The following APBB2 variants were observed in gnomAD, a reference collection of about 807,000 sequenced individuals.
The protein encoded by APBB2 is Fe65-like 1.
Under a neutral mutation model 82.5 loss-of-function variants are expected in APBB2, and 38 were observed. The ratio of observed to expected loss-of-function variants is 0.46; its 90% CI spans 0.36 to 0.60. The LOEUF (loss-of-function observed/expected upper bound fraction) is 0.60. Ranked by LOEUF, APBB2 falls within the 20% of genes least tolerant of loss-of-function variation. The pLI is 0.00. For synonymous variants in APBB2, 341 were observed against 368.2 expected (o/e 0.93, Z 0.85); for missense variants, 772 against 972.3 (o/e 0.79, Z 2.74).
chr4:40,920,043 C>T (rs189788317), intron 10 of APBB2, among the ~76,000 whole-genome samples: 1 of 152,100 alleles, frequency 6.6e-6, no homozygotes, highest in Admixed American at 6.6e-5. Flanking sequence ...GTCAACTGCT[C>T]GGGTATGTCA....
rs1376964467 is a variant in APBB2, at chr4:40,814,731, T to A, written c.*1361A>T. 1.3e-5 allele frequency: 2 copies of A among 152,320 alleles called. No individual in the cohort carries two copies. The highest frequency in any genetic ancestry group is 3.9e-4 in the East Asian group (2 of 5,188). 9.4% of individuals were successfully genotyped at this position (152,320 alleles called of 1,614,324 possible). On this transcript the variant is annotated 3_prime_UTR_variant, in exon 18 of 18. Transcript: ENST00000508593. ...GCAACTTCCTTTTAAAACGACAATGTCAACGAGAGTCTAAATTTGTATGTC... is the reference window on the plus strand; with the variant it reads ...GCAACTTCCTTTTAAAACGACAATGACAACGAGAGTCTAAATTTGTATGTC...
chr4:40,977,707 T>C (rs1054069717), intron 6 of APBB2, among the ~76,000 whole-genome samples: 1 of 152,190 alleles, frequency 6.6e-6, no homozygotes, highest in Non-Finnish European at 1.5e-5. Context: ...ATAAAACACA[T>C]GGTGTACATA....
At chr4:41,176,602 G>A (rs1769847974) in intron 1 of APBB2, among the ~76,000 whole-genome samples, 1 of 152,084 alleles carries the variant, frequency 6.6e-6, no homozygotes, top group African/African-American at 2.4e-5. Context: ...AAAAATGTCA[G>A]TAATTCTGGC....
In APBB2 at chr4:40,864,925, C is replaced by G. The variant is rs139915568; in HGVS notation, c.1529+25439G>C. On this transcript the variant is annotated intron_variant, in intron 12 of 17. Transcript: ENST00000508593. ...CCAGGCTGGAGGGTAGTAGTGCAAT[C>G]TTGGTTCACTGCAACCTCTGCCTCC... is the stretch of plus-strand genomic sequence containing the variant. Among the ~76,000 whole-genome samples the G allele has an allele frequency of 6.4e-3, 930 of 146,144 alleles. 6 individuals carry two copies. The highest frequency in any genetic ancestry group is 0.018 in the Middle Eastern group (5 of 278).
At chr4:41,180,580 C>G (rs1031475375) in intron 1 of APBB2, among the ~76,000 whole-genome samples, 5 of 151,980 alleles carry the variant, frequency 3.3e-5, no homozygotes, top group Non-Finnish European at 5.9e-5. Flanking sequence ...CCCAGGAGGT[C>G]GAGGCTGCAG....
intron 6 of APBB2, among the ~76,000 whole-genome samples, chr4:40,966,716 A>C (rs1412141381): frequency 6.6e-6 from 1 of 152,138 alleles, no homozygotes. Flanking sequence ...AGCCCCCTCC[A>C]AACTTTGGGC....
chr4:40,907,369 ATATATATATATTTTTTTT>A (rs1225624476), intron 10 of APBB2, among the ~76,000 whole-genome samples: 17,094 of 86,570 alleles, frequency 0.2, 1,356 homozygotes, highest in Admixed American at 0.32. Flanking sequence ...ATATATATAT[ATATATATATATTTTTTTT>A]TTTTTTTTTT....
At chr4:41,018,194 A>G (rs1196642972) in intron 5 of APBB2, among the ~76,000 whole-genome samples, 1 of 152,092 alleles carries the variant, frequency 6.6e-6, no homozygotes, top group Non-Finnish European at 1.5e-5. Flanking sequence ...TTTATTTCTG[A>G]CCACCATACC....
At chr4:41,135,047 T>C (rs1425764812) in intron 2 of APBB2, among the ~76,000 whole-genome samples, 3 of 152,150 alleles carry the variant, frequency 2.0e-5, no homozygotes, top group African/African-American at 4.8e-5. Context: ...AGACTTCTTA[T>C]TTCTAGGAGA....
At chr4:41,110,603 C>CAA (rs33958550) in intron 2 of APBB2, among the ~76,000 whole-genome samples, 9 of 111,700 alleles carry the variant, frequency 8.1e-5, no homozygotes, top group East Asian at 2.8e-4. Context: ...GACTCTGTCT[C>CAA]AAAAAAAAAA....
rs10024517 is a variant in APBB2 at position 41,187,417 on chromosome 4, C to T, written c.-417+26988G>A. On this transcript the variant is annotated intron_variant, in intron 1 of 17. Coordinates refer to ENST00000508593, the MANE Select transcript of APBB2 (RefSeq NM_004307.2). ...GTTGTACCAATAGGCTAATATTATACACACAAACTTAAGTTCAGAGCTTAT... is the reference window on the plus strand; with the variant it reads ...GTTGTACCAATAGGCTAATATTATATACACAAACTTAAGTTCAGAGCTTAT... 7.7e-3 allele frequency among the ~76,000 whole-genome samples: 1,166 copies of T among 152,146 alleles called. 45 individuals are homozygous for T. The East Asian group carries it at 0.11, about 14-fold the overall frequency.
intron 6 of APBB2, among the ~76,000 whole-genome samples, chr4:41,006,671 G>T (rs1427680614): frequency 1.3e-5 from 2 of 152,066 alleles, no homozygotes; most frequent in African/African-American, 2.4e-5. Context: ...TTGCCATGTT[G>T]GCCAGGGTGG....
At chr4:40,822,634 T>C (rs1748394498) in intron 16 of APBB2, among the ~76,000 whole-genome samples, 1 of 152,208 alleles carries the variant, frequency 6.6e-6, no homozygotes, top group Admixed American at 6.5e-5. Context: ...ATGTTCAGAA[T>C]TCTTTCTCAT....
At chr4:41,143,801 T>TTA (rs1759909873) in intron 1 of APBB2, among the ~76,000 whole-genome samples, 1 of 152,188 alleles carries the variant, frequency 6.6e-6, no homozygotes, top group Non-Finnish European at 1.5e-5. Context: ...ATAGAGGAAA[T>TTA]TATATATGAA....
At chr4:41,102,565 G>C (rs937017882) in intron 2 of APBB2, among the ~76,000 whole-genome samples, 2 of 152,170 alleles carry the variant, frequency 1.3e-5, no homozygotes, top group African/African-American at 4.8e-5. Context: ...GGCTGCACTT[G>C]GGCCAAAACC....
In APBB2 at chr4:40,810,228, C is replaced by T. The variant is rs896462492; in HGVS notation, c.*5864G>A. The T allele has an allele frequency of 9.2e-5, 14 of 152,160 alleles. No homozygotes were observed. The highest frequency in any genetic ancestry group is 2.1e-4 in the South Asian group (1 of 4,808). 9.4% of individuals were successfully genotyped at this position (152,160 alleles called of 1,614,324 possible). On this transcript the variant is annotated 3_prime_UTR_variant, in exon 18 of 18. Transcript: ENST00000508593. Reference sequence around the variant, plus strand: ...AAGAGAATGGTGAATTGTATTATAGCGGTAATACATTATTTTTATTTTAGC... The same window carrying T: ...AAGAGAATGGTGAATTGTATTATAGTGGTAATACATTATTTTTATTTTAGC...
chr4:41,079,370 C>T (rs1482505808), intron 3 of APBB2, among the ~76,000 whole-genome samples: 1 of 152,184 alleles, frequency 6.6e-6, no homozygotes, highest in Non-Finnish European at 1.5e-5. Flanking sequence ...CCAGGATACA[C>T]AGGTAGAGAT....
At chr4:40,989,529 AC>A (rs1801425639) in intron 6 of APBB2, among the ~76,000 whole-genome samples, 2 of 114,770 alleles carry the variant, frequency 1.7e-5, no homozygotes, top group South Asian at 5.3e-4. Flanking sequence ...AGGAGAAACT[AC>A]ATTTTTTTTT....
intron 6 of APBB2, among the ~76,000 whole-genome samples, chr4:40,991,562 A>G (rs1457059358): frequency 6.6e-6 from 1 of 152,120 alleles, no homozygotes; most frequent in African/African-American, 2.4e-5. Context: ...ATAGTGTTCT[A>G]ACTATAGCAA....
Sources: allele counts gnomAD v4.1 joint callset (sites outside exome capture counted in the v4.1 genomes callset), GRCh38; gene constraint gnomAD v4.1.1; transcripts MANE v1.5; gene names NCBI Gene and HGNC (gene_info 2026-07-23, HGNC 2026-07-21).